The following DEPDC5 variants were observed in gnomAD, a reference collection of about 807,000 sequenced individuals.
The protein encoded by DEPDC5 is GATOR1 complex protein DEPDC5.
In DEPDC5, 73 loss-of-function variants were observed where a neutral mutation model predicts 217.3. The ratio of observed to expected loss-of-function variants is 0.34; its 90% confidence interval spans 0.28 to 0.41. The LOEUF (loss-of-function observed/expected upper bound fraction) is 0.41, where lower values mean the gene tolerates loss of function less well. Ranked by LOEUF, DEPDC5 falls within the 10% of genes least tolerant of loss-of-function variation. The pLI is 1.00. For missense variants in DEPDC5, 1,675 were observed against 2,070.1 expected, an observed-to-expected ratio of 0.81 and a Z score of 3.70; for synonymous variants, 733 against 756.7, an observed-to-expected ratio of 0.97 and a Z score of 0.51.
At chr22:31,878,212 A>G (rs2093059727) in intron 37 of DEPDC5, among the ~76,000 whole-genome samples, 1 of 151,798 alleles carries the variant, frequency 6.6e-6, no homozygotes, top group Non-Finnish European at 1.5e-5. Flanking sequence ...ATCTTACATG[A>G]GATGAAGCAG....
rs1409178941 is a variant in DEPDC5, at chr22:31,815,051, C to T, written c.1505C>T (p.Ser502Phe). ...RKSASSCDVS[S>F]SPSLPSRTLP... Reference sequence around the variant, plus strand: ...AGTGCCAGCTCCTGTGATGTTTCATCCAGCCCTTCCCTACCAAGCCGCACA... The same window carrying T: ...AGTGCCAGCTCCTGTGATGTTTCATTCAGCCCTTCCCTACCAAGCCGCACA... The change falls in exon 21 of 43, where the codon TCC (serine) becomes TTC (phenylalanine). Residue 502 changes from serine (S) to phenylalanine (F), a missense_variant. This residue lies in a region of DEPDC5 where 628 missense variants were observed against 762.1 expected (regional missense o/e 0.82). Transcript: ENST00000651528. 6.2e-7 allele frequency: 1 copy of T among 1,614,022 alleles called. No homozygotes were observed. Among genetic ancestry groups the T allele is most frequent in the Non-Finnish European group, 8.5e-7 (1 of 1,180,036 alleles).
Position 31,815,085 on chromosome 22 carries a change from T to C in DEPDC5, c.1539T>C (p.Thr513=). ...SPSLPSRTLP[T]EEVRSQASDD... ...CCCTACCAAGCCGCACACTGCCCAC[T>C]GAGGAAGTGAGGAGCCAGGCTTCTG... Residue 513 remains threonine, a synonymous_variant, in exon 21 of 43, where the codon ACT becomes ACC. Transcript: ENST00000651528. 1 of 1,614,192 alleles carries C rather than the reference T, an allele frequency of 6.2e-7. No homozygotes were observed. The highest frequency in any genetic ancestry group is 8.5e-7 in the Non-Finnish European group (1 of 1,180,036).
intron 41 of DEPDC5, among the ~76,000 whole-genome samples, chr22:31,902,020 ATTTTC>A (rs1204004730): frequency 2.6e-5 from 4 of 151,908 alleles, no homozygotes; most frequent in Non-Finnish European, 4.4e-5. Flanking sequence ...AGACCTCATT[ATTTTC>A]TTCTTCCAGT....
At chr22:31,819,344 A>T in intron 22 of DEPDC5, 119 bp downstream of exon 22, 2 of 1,083,390 alleles carry the variant, frequency 1.8e-6, no homozygotes, top group Admixed American at 4.5e-5. Context: ...AAGATGGGAT[A>T]ACCATGCCCA....
At chr22:31,794,128 C>G (rs1395578128) in intron 12 of DEPDC5, among the ~76,000 whole-genome samples, 1 of 152,112 alleles carries the variant, frequency 6.6e-6, no homozygotes, top group Non-Finnish European at 1.5e-5. Context: ...AGTTCAGAGT[C>G]GATGCTTTTT....
chr22:31,843,843 T>G (rs753256947), intron 29 of DEPDC5, 31 bp downstream of exon 29: 2 of 1,570,992 alleles, frequency 1.3e-6, no homozygotes, highest in Non-Finnish European at 1.7e-6. Context: ...TTTCCATCTT[T>G]GCATCCTTGG....
At chr22:31,767,894 C>T (rs556466986) in intron 6 of DEPDC5, among the ~76,000 whole-genome samples, 5 of 151,598 alleles carry the variant, frequency 3.3e-5, no homozygotes, top group South Asian at 2.1e-4. Context: ...TACAGGCGCC[C>T]GCCACCACAC....
intron 5 of DEPDC5, among the ~76,000 whole-genome samples, chr22:31,765,523 A>C (rs1045230984): frequency 4.6e-5 from 7 of 152,062 alleles, no homozygotes; most frequent in Non-Finnish European, 8.8e-5. Flanking sequence ...TCCTGACCTC[A>C]GGTGATCCAC....
intron 31 of DEPDC5, among the ~76,000 whole-genome samples, chr22:31,856,781 G>C (rs550591116): frequency 6.6e-6 from 1 of 150,876 alleles, no homozygotes; most frequent in South Asian, 2.1e-4. Context: ...TTTTTTGTTT[G>C]TTTGTTTGTT....
At chr22:31,830,630 C>CGT (rs34078350) in intron 24 of DEPDC5, among the ~76,000 whole-genome samples, 31,523 of 142,386 alleles carry the variant, frequency 0.22, 3,483 homozygotes, top group Middle Eastern at 0.29. Flanking sequence ...TATGCGTGTA[C>CGT]GTGTGTGTGT....
intron 11 of DEPDC5, 149 bp downstream of exon 11, chr22:31,792,251 A>G: frequency 1.6e-6 from 1 of 635,554 alleles, no homozygotes; most frequent in Admixed American, 2.5e-5. Context: ...GGAAAGTAGC[A>G]CAGTCCGTTA....
At chr22:31,875,378 A>G in intron 36 of DEPDC5, 1 of 156,768 alleles carries the variant, frequency 6.4e-6, no homozygotes, top group East Asian at 1.9e-4. Context: ...CCAACTTATA[A>G]AATGATATAA....
chr22:31,902,639 G>C (rs1191210164), intron 41 of DEPDC5, among the ~76,000 whole-genome samples: 1 of 151,992 alleles, frequency 6.6e-6, no homozygotes, highest in Non-Finnish European at 1.5e-5. Context: ...AGAAGGTAGA[G>C]AGTGCAGCAG....
In DEPDC5 at chr22:31,891,444, A is replaced by G. The variant is rs2093436547; in HGVS notation, c.4034-2138A>G. 3 of 229,384 alleles carry G rather than the reference A, an allele frequency of 1.3e-5. 1 individual carries two copies. The South Asian group carries it at 1.5e-4, about 12-fold the overall frequency. 14.2% of individuals were successfully genotyped at this position (229,384 alleles called of 1,614,324 possible). A position where few individuals can be genotyped will look rare whatever the true frequency, so the allele number is the denominator to read the frequency against. Reference sequence around the variant, plus strand: ...CTCTCATATTCATCTTGCTAACCACACTTCCTGGACTTAGTCTTTTGAGAG... The same window carrying G: ...CTCTCATATTCATCTTGCTAACCACGCTTCCTGGACTTAGTCTTTTGAGAG... On this transcript the variant is annotated intron_variant, in intron 38 of 42. Coordinates refer to ENST00000651528, the MANE Select transcript of DEPDC5 (RefSeq NM_001242896.3).
At chr22:31,777,748 G>A (rs112614973) in intron 7 of DEPDC5, among the ~76,000 whole-genome samples, 3 of 152,018 alleles carry the variant, frequency 2.0e-5, no homozygotes, top group African/African-American at 7.2e-5. Flanking sequence ...TTTTTGGTTT[G>A]TTTTATTTTT....
chr22:31,821,008 CA>C (rs2089643671), intron 22 of DEPDC5, among the ~76,000 whole-genome samples: 1 of 152,230 alleles, frequency 6.6e-6, no homozygotes, highest in Non-Finnish European at 1.5e-5. Context: ...CTTAGCTCTA[CA>C]AGTTCTCCTT....
chr22:31,842,966 C>A, intron 27 of DEPDC5, 129 bp from the exon 28 acceptor site: 1 of 702,866 alleles, frequency 1.4e-6, no homozygotes. Context: ...CCAAGAATAA[C>A]TTTCTTCCAT....
intron 7 of DEPDC5, among the ~76,000 whole-genome samples, chr22:31,772,855 C>T (rs1262147553): frequency 1.3e-5 from 2 of 151,924 alleles, no homozygotes; most frequent in East Asian, 3.8e-4. Context: ...GATATCTCCC[C>T]ACTGCAACCT....
chr22:31,801,293 CAAAT>C (rs1229914836), intron 14 of DEPDC5, among the ~76,000 whole-genome samples: 1 of 151,794 alleles, frequency 6.6e-6, no homozygotes, highest in African/African-American at 2.4e-5. Flanking sequence ...TAGACTGTCT[CAAAT>C]AAATGAATAA....
Sources: allele counts gnomAD v4.1 joint callset (sites outside exome capture counted in the v4.1 genomes callset), GRCh38; gene constraint gnomAD v4.1.1; regional missense constraint gnomAD v4.1.1; transcripts MANE v1.5; gene names NCBI Gene and HGNC (gene_info 2026-07-23, HGNC 2026-07-21).